Variants in PPP2R2C observed in about 807,000 individuals in gnomAD.
PPP2R2C encodes protein phosphatase 2, regulatory subunit B, gamma.
PPP2R2C carries 10 observed loss-of-function variants against 45.3 expected under a neutral mutation model. That is an observed-to-expected ratio of 0.22 (90% CI 0.14 to 0.37). PPP2R2C has a LOEUF of 0.37. Among genes scored for constraint, PPP2R2C ranks in the 10% least tolerant of loss-of-function variants. The probability of loss-of-function intolerance (pLI) is 1.00; values close to 1 mark genes in which losing one functional copy is unlikely to be tolerated. For synonymous variants in PPP2R2C, 257 were observed against 245.4 expected (o/e 1.05, Z -0.44); for missense variants, 308 against 619.7 (o/e 0.50, Z 5.34).
chr4:6,557,937 A>T (rs1725463763), intron 1 of PPP2R2C, among the ~76,000 whole-genome samples: 1 of 152,124 alleles, frequency 6.6e-6, no homozygotes, highest in Non-Finnish European at 1.5e-5. Context: ...GACTCCAGGC[A>T]AACCCTCCCC....
rs10001231 is a variant in PPP2R2C, at chr4:6,332,552, C to T, written c.960+1010G>A. Among the ~76,000 whole-genome samples, 5,898 of 152,242 alleles carry T rather than the reference C, an allele frequency of 0.039. 344 individuals are homozygous for T. Among genetic ancestry groups the T allele is most frequent in the African/African-American group, 0.14 (5,607 of 41,510 alleles). On this transcript the variant is annotated intron_variant, in intron 7 of 8. Transcript: ENST00000382599. The surrounding 1 kb of genome is among the most constrained non-coding windows in gnomAD (Gnocchi z 4.9). ...CTGCACCAGTTCCCAGCGAGGCCTGCGCCACCCAGGACGCTTTCCTACTAG... is the reference window on the plus strand; with the variant it reads ...CTGCACCAGTTCCCAGCGAGGCCTGTGCCACCCAGGACGCTTTCCTACTAG...
At chr4:6,499,452 A>C (rs1722977501) in intron 2 of PPP2R2C, among the ~76,000 whole-genome samples, 1 of 151,632 alleles carries the variant, frequency 6.6e-6, no homozygotes, top group Admixed American at 6.6e-5. Context: ...GGACCTTCAC[A>C]CCTGCCTAGG....
At chr4:6,535,690 G>A (rs1724585237) in intron 1 of PPP2R2C, among the ~76,000 whole-genome samples, 1 of 152,216 alleles carries the variant, frequency 6.6e-6, no homozygotes, top group Non-Finnish European at 1.5e-5. Flanking sequence ...TCACCCCGCA[G>A]CAGCTATTTC....
chr4:6,558,515 C>T (rs1165296996), intron 1 of PPP2R2C, among the ~76,000 whole-genome samples: 1 of 152,186 alleles, frequency 6.6e-6, no homozygotes, highest in Non-Finnish European at 1.5e-5. Flanking sequence ...CTGTGCTCAG[C>T]CTCCTAAAAT....
At chr4:6,407,266 A>C (rs1230190754) in intron 1 of PPP2R2C, among the ~76,000 whole-genome samples, 1 of 152,246 alleles carries the variant, frequency 6.6e-6, no homozygotes, top group African/African-American at 2.4e-5. Flanking sequence ...ATGGCCTTAC[A>C]AGTGTGAGGC....
chr4:6,355,134 C>T (rs909644534), intron 5 of PPP2R2C, among the ~76,000 whole-genome samples: 8 of 152,216 alleles, frequency 5.3e-5, no homozygotes, highest in Non-Finnish European at 4.4e-5. Context: ...AGGGCAGGGA[C>T]CTGCCTGTCA....
intron 2 of PPP2R2C, among the ~76,000 whole-genome samples, chr4:6,500,150 T>C (rs1723003748): frequency 6.6e-6 from 1 of 152,206 alleles, no homozygotes; most frequent in African/African-American, 2.4e-5. Flanking sequence ...GTATTTTATT[T>C]ATTTATTTAT....
intron 1 of PPP2R2C, among the ~76,000 whole-genome samples, chr4:6,386,431 C>T (rs1257831339): frequency 1.3e-5 from 2 of 152,170 alleles, no homozygotes; most frequent in African/African-American, 4.8e-5. Flanking sequence ...AAACTCTGCC[C>T]ATGTCTTGGG....
intron 1 of PPP2R2C, among the ~76,000 whole-genome samples, chr4:6,442,923 A>G (rs1010355456): frequency 6.6e-6 from 1 of 152,198 alleles, no homozygotes; most frequent in Non-Finnish European, 1.5e-5. Context: ...AAGTCGCCCA[A>G]GGGGGGCACC....
chr4:6,412,838 G>A (rs1718277228), intron 1 of PPP2R2C, among the ~76,000 whole-genome samples: 1 of 152,138 alleles, frequency 6.6e-6, no homozygotes, highest in Admixed American at 6.5e-5. Context: ...CTTAGAAGAA[G>A]GGCCTACAAA....
intron 5 of PPP2R2C, among the ~76,000 whole-genome samples, chr4:6,351,965 T>C (rs1318250020): frequency 1.3e-5 from 2 of 152,134 alleles, no homozygotes; most frequent in Admixed American, 6.5e-5. Flanking sequence ...CCCCTGTTGG[T>C]GCTCCCTCAA....
At chr4:6,338,899 C>T (rs1733215914) in intron 6 of PPP2R2C, among the ~76,000 whole-genome samples, 1 of 152,202 alleles carries the variant, frequency 6.6e-6, no homozygotes, top group Admixed American at 6.5e-5. Flanking sequence ...TCTCTGAGCC[C>T]AGCTTCCCTC....
intron 1 of PPP2R2C, among the ~76,000 whole-genome samples, chr4:6,447,502 C>A (rs1204532271): frequency 6.6e-6 from 1 of 152,018 alleles, no homozygotes; most frequent in African/African-American, 2.4e-5. Flanking sequence ...GGGCCCAGCG[C>A]CAGGTCTCCT....
At chr4:6,551,263 G>A (rs1235227553) in intron 1 of PPP2R2C, among the ~76,000 whole-genome samples, 1 of 152,228 alleles carries the variant, frequency 6.6e-6, no homozygotes, top group Non-Finnish European at 1.5e-5. Flanking sequence ...GCTCATGTAT[G>A]TCACATGCTC....
In PPP2R2C at chr4:6,464,449, C is replaced by A. The variant is rs144822103; in HGVS notation, c.70+7711G>T. ...ACCCAAGACACTGGGAGAGGAGAGTCCACATTTCAAGGCAGACACAGCCTT... is the reference window on the plus strand; with the variant it reads ...ACCCAAGACACTGGGAGAGGAGAGTACACATTTCAAGGCAGACACAGCCTT... On this transcript the variant is annotated intron_variant, in intron 1 of 8. Coordinates refer to ENST00000382599, the MANE Select transcript of PPP2R2C (RefSeq NM_020416.4). Among the ~76,000 whole-genome samples the A allele has an allele frequency of 5.3e-3, 808 of 152,296 alleles. 5 individuals are homozygous for A. The highest frequency in any genetic ancestry group is 0.018 in the African/African-American group (746 of 41,546).
chr4:6,391,499 G>A (rs1172553596), intron 1 of PPP2R2C, among the ~76,000 whole-genome samples: 3 of 152,246 alleles, frequency 2.0e-5, no homozygotes, highest in South Asian at 2.1e-4. Flanking sequence ...AAAGCACACC[G>A]TAATAGCAGA....
intron 1 of PPP2R2C, among the ~76,000 whole-genome samples, chr4:6,439,601 G>C (rs570683707): frequency 6.6e-6 from 1 of 152,020 alleles, no homozygotes; most frequent in African/African-American, 2.4e-5. Flanking sequence ...CTCCCGCTTC[G>C]TCTCCTAGAA....
chr4:6,371,212 C>G (rs552646870), intron 5 of PPP2R2C, among the ~76,000 whole-genome samples: 1 of 152,226 alleles, frequency 6.6e-6, no homozygotes, highest in Non-Finnish European at 1.5e-5. Flanking sequence ...TTTCTGCCTC[C>G]GAAGCCCACA....
chr4:6,444,119 G>A (rs963373363), intron 1 of PPP2R2C, among the ~76,000 whole-genome samples: 2 of 152,188 alleles, frequency 1.3e-5, no homozygotes, highest in Admixed American at 6.5e-5. Context: ...GGTTAGAAAC[G>A]CTATGGCCCA....
Sources: gnomAD v4.1 joint callset for allele counts (sites outside exome capture counted in the v4.1 genomes callset) on GRCh38, gnomAD v4.1.1 for gene constraint, Gnocchi (gnomAD v3.1) non-coding constraint, MANE v1.5 for transcripts, NCBI Gene and HGNC (gene_info 2026-07-23, HGNC 2026-07-21) for gene names.